Variants in ZNF569 observed in about 807,000 individuals in gnomAD.
ZNF569 encodes the protein DNA-binding protein.
In ZNF569, 38 loss-of-function variants were observed where a neutral mutation model predicts 56.3. The observed-to-expected ratio is 0.68, with a 90% confidence interval of 0.52 to 0.88. ZNF569 has a LOEUF of 0.88. Ranked by LOEUF, ZNF569 falls within the 40% of genes least tolerant of loss-of-function variation. The pLI is 0.00. For synonymous variants in ZNF569, 241 were observed against 262.9 expected (o/e 0.92, Z 0.81); for missense variants, 666 against 809.2 (o/e 0.82, Z 2.15).
chr19:37,414,408 C>T lies in ZNF569; in HGVS notation c.250G>A (p.Gly84Arg), dbSNP rs761934677. ...LRRHWQGEIWGVDEHQKNQDR... is the reference protein window; with the variant it reads ...LRRHWQGEIWRVDEHQKNQDR... ...TGGTTTTTCTGATGCTCATCAACTC[C>T]CCATATTTCTCCTAAAACAGATTGC... Residue 84 changes from glycine (G) to arginine (R), a missense_variant, in exon 6 of 6, where the codon GGA becomes AGA. Coordinates refer to ENST00000316950, the MANE Select transcript of ZNF569 (RefSeq NM_152484.3). 8 of 1,577,486 alleles carry T rather than the reference C, an allele frequency of 5.1e-6. No homozygotes were observed. The highest frequency in any genetic ancestry group is 6.9e-6 in the Non-Finnish European group (8 of 1,166,054).
In ZNF569 at chr19:37,413,830, C is replaced by T. The variant is rs1053221934; in HGVS notation, c.828G>A (p.Glu276=). The change falls in exon 6 of 6, where the codon GAG becomes GAA. Residue 276 remains glutamate (E), a synonymous_variant. Coordinates refer to ENST00000316950, the MANE Select transcript of ZNF569 (RefSeq NM_152484.3). ...GATTTGATTTCTGGCTGAAGGACTTCTCACATTCCTTACATGCATAGGGCT... is the reference window on the plus strand; with the variant it reads ...GATTTGATTTCTGGCTGAAGGACTTTTCACATTCCTTACATGCATAGGGCT... ...GEKPYACKEC[E]KSFSQKSNLI... 1 of 1,613,386 alleles carries T rather than the reference C, an allele frequency of 6.2e-7. No homozygotes were observed. Among genetic ancestry groups the T allele is most frequent in the African/African-American group, 1.3e-5 (1 of 74,870 alleles).
At chr19:37,456,940 C>G (rs1403807412) in intron 2 of ZNF569, among the ~76,000 whole-genome samples, 3 of 151,110 alleles carry the variant, frequency 2.0e-5, no homozygotes, top group Non-Finnish European at 4.4e-5. Flanking sequence ...TGCACTCCAG[C>G]CTGGGCAACA....
chr19:37,449,361 AT>A (rs1354618846), intron 2 of ZNF569, among the ~76,000 whole-genome samples: 53 of 152,312 alleles, frequency 3.5e-4, no homozygotes, highest in Non-Finnish European at 1.3e-4. Context: ...CAATACATGA[AT>A]GTTGGTTGAT....
At chr19:37,461,392 C>T (rs1281572287) in intron 2 of ZNF569, among the ~76,000 whole-genome samples, 1 of 151,600 alleles carries the variant, frequency 6.6e-6, no homozygotes, top group Admixed American at 6.6e-5. Context: ...CTGCAACTTC[C>T]GCCTCCTGGG....
chr19:37,452,913 A>G (rs2041617650), intron 2 of ZNF569, among the ~76,000 whole-genome samples: 1 of 151,340 alleles, frequency 6.6e-6, no homozygotes, highest in Non-Finnish European at 1.5e-5. Flanking sequence ...CTTTTTCTCT[A>G]TTTTCTCCTG....
chr19:37,459,894 T>C (rs1049725327), intron 2 of ZNF569, among the ~76,000 whole-genome samples: 5 of 152,162 alleles, frequency 3.3e-5, no homozygotes, highest in African/African-American at 1.2e-4. Context: ...GAATTTAGAT[T>C]ACTTAAAAAT....
intron 2 of ZNF569, among the ~76,000 whole-genome samples, chr19:37,457,218 CAATAA>C (rs2041686685): frequency 6.6e-6 from 1 of 152,074 alleles, no homozygotes; most frequent in African/African-American, 2.4e-5. Flanking sequence ...AACATTCGTA[CAATAA>C]AATATATTAT....
At chr19:37,416,318 C>T (rs1310044033) in intron 5 of ZNF569, among the ~76,000 whole-genome samples, 2 of 146,682 alleles carry the variant, frequency 1.4e-5, no homozygotes, top group African/African-American at 5.0e-5. Context: ...TTGTCAGAAA[C>T]AAAACTGTTT....
chr19:37,450,150 G>A (rs1030850318), intron 2 of ZNF569, among the ~76,000 whole-genome samples: 11 of 152,256 alleles, frequency 7.2e-5, no homozygotes, highest in African/African-American at 2.6e-4. Context: ...TTTGGTATCA[G>A]GTTAATGCTG....
At chr19:37,436,263 A>C (rs925175055) in intron 3 of ZNF569, among the ~76,000 whole-genome samples, 1 of 152,128 alleles carries the variant, frequency 6.6e-6, no homozygotes, top group African/African-American at 2.4e-5. Flanking sequence ...GAAATTAAGA[A>C]GAAAATTTAA....
intron 5 of ZNF569, among the ~76,000 whole-genome samples, chr19:37,417,877 G>A (rs1199669367): frequency 2.6e-5 from 4 of 152,024 alleles, no homozygotes; most frequent in African/African-American, 7.2e-5. Context: ...TGAGGCATGT[G>A]GATCATGAAG....
intron 5 of ZNF569, among the ~76,000 whole-genome samples, chr19:37,418,033 G>T (rs574997999): frequency 6.6e-6 from 1 of 151,710 alleles, no homozygotes; most frequent in South Asian, 2.1e-4. Context: ...CCTGGGAGGC[G>T]GAGGTTGCAG....
intron 3 of ZNF569, among the ~76,000 whole-genome samples, chr19:37,433,539 C>T (rs1427040961): frequency 6.6e-6 from 1 of 152,086 alleles, no homozygotes; most frequent in Non-Finnish European, 1.5e-5. Context: ...AATAAGACTA[C>T]TTCAAGACAC....
intron 5 of ZNF569, among the ~76,000 whole-genome samples, chr19:37,417,022 C>T (rs964109445): frequency 7.2e-5 from 11 of 152,000 alleles, no homozygotes; most frequent in South Asian, 2.1e-4. Context: ...AGCCCCCATG[C>T]GATACGACTC....
chr19:37,437,327 T>C (rs537785563), intron 3 of ZNF569, among the ~76,000 whole-genome samples: 2 of 152,200 alleles, frequency 1.3e-5, no homozygotes, highest in African/African-American at 4.8e-5. Context: ...AGAAGGAACA[T>C]ACCTCAATAC....
chr19:37,447,966 T>C (rs1350237103), intron 2 of ZNF569, among the ~76,000 whole-genome samples: 1 of 152,230 alleles, frequency 6.6e-6, no homozygotes, highest in African/African-American at 2.4e-5. Flanking sequence ...TATACTTTTT[T>C]CATATTGCTA....
intron 2 of ZNF569, among the ~76,000 whole-genome samples, chr19:37,458,025 C>T (rs2146969672): frequency 6.6e-6 from 1 of 152,212 alleles, no homozygotes; most frequent in African/African-American, 2.4e-5. Flanking sequence ...CATGCACAAC[C>T]ATGCCTGGTT....
chr19:37,414,792 CTA>C (rs1419546444), intron 5 of ZNF569, among the ~76,000 whole-genome samples: 1 of 152,074 alleles, frequency 6.6e-6, no homozygotes, highest in African/African-American at 2.4e-5. Context: ...TTGCGGGACT[CTA>C]TTAAAATACA....
At chr19:37,449,874 ACT>A (rs2041564228) in intron 2 of ZNF569, among the ~76,000 whole-genome samples, 1 of 152,094 alleles carries the variant, frequency 6.6e-6, no homozygotes, top group African/African-American at 2.4e-5. Flanking sequence ...AAAATTGATT[ACT>A]GATACAGCTG....
Sources: allele counts gnomAD v4.1 joint callset (sites outside exome capture counted in the v4.1 genomes callset), GRCh38; gene constraint gnomAD v4.1.1; transcripts MANE v1.5; gene names NCBI Gene and HGNC (gene_info 2026-07-23, HGNC 2026-07-21).